NEDD4L: variants seen among roughly 807,000 people sequenced by gnomAD.
NEDD4L encodes the protein NEDD4 like E3 ubiquitin protein ligase, also known as E3 ubiquitin-protein ligase NEDD4-like.
NEDD4L carries 54 observed loss-of-function variants against 148.9 expected under a neutral mutation model. That is an observed-to-expected ratio of 0.36 (90% CI 0.29 to 0.45). NEDD4L has a LOEUF of 0.45. NEDD4L is among the 20% of genes least tolerant of loss of function. The pLI is 1.00. For missense variants in NEDD4L, 856 were observed against 1,233.8 expected (o/e 0.69, Z 4.59); for synonymous variants, 433 against 440.7 (o/e 0.98, Z 0.22).
intron 13 of NEDD4L, among the ~76,000 whole-genome samples, chr18:58,340,377 C>G (rs1031389879): frequency 4.6e-5 from 7 of 152,194 alleles, no homozygotes; most frequent in Non-Finnish European, 7.3e-5. Flanking sequence ...GAAACACACT[C>G]CTATCAGCAG....
chr18:58,130,487 G>A (rs1296001401), intron 1 of NEDD4L, among the ~76,000 whole-genome samples: 2 of 134,526 alleles, frequency 1.5e-5, no homozygotes, highest in African/African-American at 5.7e-5. Flanking sequence ...GCGGTGTTGG[G>A]CTCTGTTGGG....
At chr18:58,206,382 C>G (rs368176577) in intron 2 of NEDD4L, among the ~76,000 whole-genome samples, 85 of 152,192 alleles carry the variant, frequency 5.6e-4, no homozygotes, top group African/African-American at 2.0e-3. Context: ...TAGCGAGACT[C>G]CATCTCAAAA....
chr18:58,048,837 G>C (rs879676108), intron 1 of NEDD4L, among the ~76,000 whole-genome samples: 12 of 152,158 alleles, frequency 7.9e-5, no homozygotes, highest in African/African-American at 2.9e-4. Context: ...TTGTGCTATG[G>C]TTGCAGTCAC....
chr18:58,353,520 C>G (rs544962091), intron 18 of NEDD4L, among the ~76,000 whole-genome samples: 2 of 152,194 alleles, frequency 1.3e-5, no homozygotes, highest in Non-Finnish European at 2.9e-5. Flanking sequence ...ACGTTTCTAC[C>G]ATCGCTCCAT....
At chr18:58,317,650 C>T (rs1044405276) in intron 6 of NEDD4L, among the ~76,000 whole-genome samples, 1 of 152,164 alleles carries the variant, frequency 6.6e-6, no homozygotes, top group African/African-American at 2.4e-5. Context: ...AAAGGTTCCT[C>T]CTCCGAGGCC....
At chr18:58,075,659 C>T (rs144630421) in intron 1 of NEDD4L, among the ~76,000 whole-genome samples, 6 of 152,200 alleles carry the variant, frequency 3.9e-5, no homozygotes, top group Non-Finnish European at 8.8e-5. Context: ...GGTGTGGCGC[C>T]TCATGATTGT....
intron 1 of NEDD4L, among the ~76,000 whole-genome samples, chr18:58,079,021 G>C (rs748342575): frequency 2.0e-4 from 30 of 152,250 alleles, no homozygotes; most frequent in Middle Eastern, 3.4e-3. Context: ...AATGTACCAG[G>C]CACTCCCAGT....
chr18:58,261,058 A>G (rs979411332), intron 5 of NEDD4L, among the ~76,000 whole-genome samples: 4 of 152,210 alleles, frequency 2.6e-5, no homozygotes, highest in African/African-American at 9.6e-5. Flanking sequence ...GTTAATTGTG[A>G]ACAACCATTT....
intron 24 of NEDD4L, among the ~76,000 whole-genome samples, chr18:58,374,583 C>T (rs1305843564): frequency 6.6e-6 from 1 of 152,060 alleles, no homozygotes; most frequent in Non-Finnish European, 1.5e-5. Flanking sequence ...GTCTTTTCAG[C>T]TGCTGCCCCT....
chr18:58,115,245 C>CTTTTTTTTTT (rs60541981), intron 1 of NEDD4L, among the ~76,000 whole-genome samples: 16 of 129,524 alleles, frequency 1.2e-4, no homozygotes, highest in African/African-American at 3.5e-4. Flanking sequence ...TTCTTTCTTT[C>CTTTTTTTTTT]TTTTTTTTTT....
At chr18:58,162,157 T>C in intron 1 of NEDD4L, among the ~76,000 whole-genome samples, 1 of 152,180 alleles carries the variant, frequency 6.6e-6, no homozygotes, top group East Asian at 1.9e-4. Context: ...TCTGCCCTGT[T>C]CCCTCACAGC....
At chr18:58,354,498 C>T (rs1209297464) in intron 18 of NEDD4L, among the ~76,000 whole-genome samples, 1 of 151,278 alleles carries the variant, frequency 6.6e-6, no homozygotes, top group Non-Finnish European at 1.5e-5. Context: ...ATTGACCATA[C>T]TTCACTGAAG....
intron 13 of NEDD4L, among the ~76,000 whole-genome samples, chr18:58,337,178 C>T (rs1357055961): frequency 1.3e-5 from 2 of 152,182 alleles, no homozygotes; most frequent in Non-Finnish European, 2.9e-5. Context: ...TGCACTCTCC[C>T]CTCCCCGTCA....
chr18:58,058,005 AT>A (rs2082162338), intron 1 of NEDD4L, among the ~76,000 whole-genome samples: 1 of 152,118 alleles, frequency 6.6e-6, no homozygotes, highest in South Asian at 2.1e-4. Flanking sequence ...TCTTAAAGCA[AT>A]TTTTAAAAAA....
chr18:58,327,585 AAGTT>A (rs1415038692), intron 9 of NEDD4L, among the ~76,000 whole-genome samples: 1 of 152,226 alleles, frequency 6.6e-6, no homozygotes, highest in Non-Finnish European at 1.5e-5. Flanking sequence ...GGCAAGAGGA[AAGTT>A]AGTTAAGGAA....
intron 1 of NEDD4L, among the ~76,000 whole-genome samples, chr18:58,134,027 G>A (rs2032510849): frequency 1.3e-5 from 2 of 152,118 alleles, no homozygotes; most frequent in South Asian, 4.1e-4. Flanking sequence ...TTGAGATGGA[G>A]TCTTGTTCAC....
chr18:58,082,628 C>T (rs946179353), intron 1 of NEDD4L, among the ~76,000 whole-genome samples: 5 of 151,232 alleles, frequency 3.3e-5, no homozygotes, highest in African/African-American at 7.3e-5. Context: ...AAAAATTAGT[C>T]GGGCATGGTG....
intron 1 of NEDD4L, among the ~76,000 whole-genome samples, chr18:58,155,155 A>G (rs577130851): frequency 1.5e-3 from 221 of 152,324 alleles, no homozygotes; most frequent in Non-Finnish European, 2.3e-3. Flanking sequence ...TTTTCCTTTC[A>G]AAGTGTTCTG....
chr18:58,233,751 A>G (rs1200299616), intron 2 of NEDD4L, among the ~76,000 whole-genome samples: 1 of 152,238 alleles, frequency 6.6e-6, no homozygotes, highest in East Asian at 1.9e-4. Flanking sequence ...GGTGGCTAAC[A>G]ACAGAAATTT....
Sources: allele counts gnomAD v4.1 joint callset (sites outside exome capture counted in the v4.1 genomes callset), GRCh38; gene constraint gnomAD v4.1.1; transcripts MANE v1.5; gene names NCBI Gene and HGNC (gene_info 2026-07-23, HGNC 2026-07-21).